GK5: variants seen among roughly 807,000 people sequenced by gnomAD.
The protein encoded by GK5 is ATP:glycerol 3-phosphotransferase 5.
Under a neutral mutation model 77.3 loss-of-function variants are expected in GK5, and 39 were observed. The ratio of observed to expected loss-of-function variants is 0.50; its 90% CI spans 0.39 to 0.66. The LOEUF (loss-of-function observed/expected upper bound fraction) is 0.66, where lower values mean the gene tolerates loss of function less well. GK5 is among the 30% of genes least tolerant of loss of function. The probability of loss-of-function intolerance (pLI) is 0.00; values close to 1 mark genes in which losing one functional copy is unlikely to be tolerated. For synonymous variants in GK5, 211 were observed against 208.0 expected, an observed-to-expected ratio of 1.01 and a Z score of -0.13; for missense variants, 487 against 633.8, an observed-to-expected ratio of 0.77 and a Z score of 2.49.
At chr3:142,223,674 ACAAAAATACAAAAATTAGC>A (rs1269564916) in intron 1 of GK5, among the ~76,000 whole-genome samples, 1 of 152,316 alleles carries the variant, frequency 6.6e-6, no homozygotes, top group East Asian at 1.9e-4. Context: ...CCCTGTCTCT[ACAAAAATACAAAAATTAGC>A]CAGGCATGAT....
chr3:142,200,951 G>C (rs968403579), intron 4 of GK5, among the ~76,000 whole-genome samples: 1 of 152,180 alleles, frequency 6.6e-6, no homozygotes, highest in Non-Finnish European at 1.5e-5. Context: ...TAAGAAGACA[G>C]ACTGTAAAAT....
intron 10 of GK5, among the ~76,000 whole-genome samples, chr3:142,182,350 A>ATTTTTTTTTT (rs144059110): frequency 2.2e-4 from 33 of 147,860 alleles, no homozygotes; most frequent in African/African-American, 6.9e-4. Flanking sequence ...TAGTAAGAAG[A>ATTTTTTTTTT]TTTTTTTTTT....
In GK5 at chr3:142,198,802, C is replaced by T. The variant is rs2063973866; in HGVS notation, c.543G>A (p.Glu181=). ...RLVWILQNLT[E]VQKAVEEENC... ...CCACATACACACAGTATTTTCTTAC[C>T]TCAGTCAAGTTCTGTAAAATCCAGA... is the stretch of plus-strand genomic sequence containing the variant. The change falls in exon 5 of 16, where the codon GAG becomes GAA. Residue 181 remains glutamate, a splice_region_variant and synonymous_variant. Coordinates refer to ENST00000392993, the MANE Select transcript of GK5 (RefSeq NM_001039547.3). 1 of 1,607,086 alleles carries T rather than the reference C, an allele frequency of 6.2e-7. No homozygotes were observed. Among genetic ancestry groups the T allele is most frequent in the Non-Finnish European group, 8.5e-7 (1 of 1,177,502 alleles).
chr3:142,203,418 G>A (rs1275000225), intron 4 of GK5, among the ~76,000 whole-genome samples: 4 of 152,010 alleles, frequency 2.6e-5, no homozygotes, highest in Admixed American at 6.6e-5. Flanking sequence ...TCCCCTGGGC[G>A]CCATCTGATA....
At chr3:142,179,272 A>G (rs190665845) in intron 11 of GK5, among the ~76,000 whole-genome samples, 3 of 152,256 alleles carry the variant, frequency 2.0e-5, no homozygotes, top group African/African-American at 4.8e-5. Context: ...TCACTCAATA[A>G]TAACTACAAA....
chr3:142,185,022 C>T (rs1459499721), intron 9 of GK5: 12 of 985,302 alleles, frequency 1.2e-5, no homozygotes, highest in Non-Finnish European at 1.4e-5. Flanking sequence ...AGCTGCTCCC[C>T]CAGCTACTGT....
At chr3:142,221,371 G>A (rs987687285) in intron 1 of GK5, among the ~76,000 whole-genome samples, 1 of 152,140 alleles carries the variant, frequency 6.6e-6, no homozygotes, top group Non-Finnish European at 1.5e-5. Context: ...ATTATTTCAA[G>A]GCTATAAACC....
intron 5 of GK5, among the ~76,000 whole-genome samples, chr3:142,191,269 C>G (rs1344842148): frequency 6.6e-6 from 1 of 151,928 alleles, no homozygotes; most frequent in East Asian, 2.0e-4. Context: ...ACCTCGTGAT[C>G]CGCCCACCTC....
At chr3:142,179,350 C>T (rs1028806905) in intron 11 of GK5, among the ~76,000 whole-genome samples, 1 of 152,052 alleles carries the variant, frequency 6.6e-6, no homozygotes, top group East Asian at 1.9e-4. Flanking sequence ...CCAGATAATA[C>T]ATCAAAATAT....
At chr3:142,199,098 G>T (rs1429117645) in intron 4 of GK5, among the ~76,000 whole-genome samples, 165 bp from the exon 5 acceptor site, 1 of 152,014 alleles carries the variant, frequency 6.6e-6, no homozygotes, top group Non-Finnish European at 1.5e-5. Context: ...TATCCTAAAT[G>T]GGCAGTTTGT....
intron 15 of GK5, among the ~76,000 whole-genome samples, chr3:142,169,206 G>A (rs942813818): frequency 1.3e-5 from 2 of 152,174 alleles, no homozygotes; most frequent in Non-Finnish European, 2.9e-5. Context: ...AATGCCATAG[G>A]CAAACCTACT....
chr3:142,211,479 A>T (rs566110684), intron 3 of GK5, among the ~76,000 whole-genome samples: 1 of 152,282 alleles, frequency 6.6e-6, no homozygotes, highest in East Asian at 1.9e-4. Context: ...TCAATCTGAG[A>T]TGCAGCATGT....
At chr3:142,167,390 T>A (rs7631952) in intron 15 of GK5, among the ~76,000 whole-genome samples, 71,901 of 151,366 alleles carry the variant, frequency 0.48, 18,916 homozygotes, top group African/African-American at 0.71. Context: ...AAAAAATTTT[T>A]AATTAAAAAT....
chr3:142,194,265 C>T (rs2063898581), intron 5 of GK5, among the ~76,000 whole-genome samples: 1 of 152,042 alleles, frequency 6.6e-6, no homozygotes, highest in African/African-American at 2.4e-5. Flanking sequence ...GTGACTCACA[C>T]CTGTAATCCC....
chr3:142,225,523 A>G lies in GK5; in HGVS notation c.-68T>C, dbSNP rs2064418374. The G allele has an allele frequency of 1.9e-6, 3 of 1,544,114 alleles. No individual in the cohort carries two copies. The highest frequency in any genetic ancestry group is 2.6e-6 in the Non-Finnish European group (3 of 1,152,696). On this transcript the variant is annotated 5_prime_UTR_variant, in exon 1 of 16. Transcript: ENST00000392993. Reference sequence around the variant, plus strand: ...GGCGCGCTACAAATCCCAATGCTCCAGAGTCCCCGGGCGGCCCAACCCGGG... The same window carrying G: ...GGCGCGCTACAAATCCCAATGCTCCGGAGTCCCCGGGCGGCCCAACCCGGG...
At chr3:142,179,967 T>C (rs946708008) in intron 11 of GK5, among the ~76,000 whole-genome samples, 6 of 152,208 alleles carry the variant, frequency 3.9e-5, no homozygotes, top group Admixed American at 2.0e-4. Context: ...AGAGCTTCAA[T>C]AGAAGCTCCT....
rs1011122807 is a variant in GK5, at chr3:142,159,385, T to C, written c.*6237A>G. 1 of 152,188 alleles carries C rather than the reference T, an allele frequency of 6.6e-6. No individual in the cohort carries two copies. 9.4% of individuals were successfully genotyped at this position (152,188 alleles called of 1,614,324 possible). ...GTTTCCTAAACATCACGGGTATCTA[T>C]CTAAACACAGCCATTTTATAACAGA... On this transcript the variant is annotated 3_prime_UTR_variant, in exon 16 of 16. Coordinates refer to ENST00000392993, the MANE Select transcript of GK5 (RefSeq NM_001039547.3).
rs181014878 is a variant in GK5, at chr3:142,210,113, C to T, written c.317+3413G>A. Among the ~76,000 whole-genome samples, 7 of 152,132 alleles carry T rather than the reference C, an allele frequency of 4.6e-5. No individual in the cohort carries two copies. In the East Asian group the frequency reaches 7.7e-4, roughly 17 times the overall value. On this transcript the variant is annotated intron_variant, in intron 3 of 15. Coordinates refer to ENST00000392993, the MANE Select transcript of GK5 (RefSeq NM_001039547.3). ...GAAAGCTCAAAGACTGAAAAAAGTT[C>T]GTAAGTTTCCTGGTCCCTAACAGGG...
In GK5 at chr3:142,225,494, A is replaced by G; in HGVS notation, c.-39T>C. On this transcript the variant is annotated 5_prime_UTR_variant, in exon 1 of 16. Coordinates refer to ENST00000392993, the MANE Select transcript of GK5 (RefSeq NM_001039547.3). The stretch of plus-strand genomic sequence containing the variant: ...GCCTCTCCGCTACAGCCGCCTACCC[A>G]GAGGGCGCGCTACAAATCCCAATGC... The G allele has an allele frequency of 3.8e-6, 6 of 1,586,834 alleles. No individual in the cohort carries two copies. Among genetic ancestry groups the G allele is most frequent in the Non-Finnish European group, 5.1e-6 (6 of 1,173,578 alleles).
Sources: allele counts gnomAD v4.1 joint callset (sites outside exome capture counted in the v4.1 genomes callset), GRCh38; gene constraint gnomAD v4.1.1; transcripts MANE v1.5; gene names NCBI Gene and HGNC (gene_info 2026-07-23, HGNC 2026-07-21).